Variants in DCC observed in about 807,000 individuals in gnomAD.
DCC encodes netrin receptor DCC.
Under a neutral mutation model 172.5 loss-of-function variants are expected in DCC, and 58 were observed. That is an observed-to-expected ratio of 0.34 (90% confidence interval 0.27 to 0.42). The LOEUF is 0.42. Among genes scored for constraint, DCC ranks in the 10% least tolerant of loss-of-function variants. The pLI, the probability that DCC is intolerant of heterozygous loss-of-function variation, is 1.00. For synonymous variants in DCC, 709 were observed against 644.5 expected (o/e 1.10, Z -1.52); for missense variants, 1,740 against 1,791.0 (o/e 0.97, Z 0.51).
intron 7 of DCC, among the ~76,000 whole-genome samples, chr18:53,154,104 A>G (rs1421810402): frequency 6.6e-6 from 1 of 152,086 alleles, no homozygotes; most frequent in Non-Finnish European, 1.5e-5. Flanking sequence ...CCCTGGAATC[A>G]CCCTCAACAA....
At chr18:53,030,062 C>A (rs2143954397) in intron 5 of DCC, among the ~76,000 whole-genome samples, 1 of 152,300 alleles carries the variant, frequency 6.6e-6, no homozygotes, top group Admixed American at 6.5e-5. Context: ...CCTAGTTTAA[C>A]CTTTTAAGAA....
intron 13 of DCC, among the ~76,000 whole-genome samples, chr18:53,308,523 C>T (rs1385787137): frequency 6.6e-6 from 1 of 152,124 alleles, no homozygotes; most frequent in East Asian, 1.9e-4. Context: ...AACTCAATAT[C>T]ATCTGAATGG....
intron 12 of DCC, among the ~76,000 whole-genome samples, chr18:53,256,792 T>G (rs1304829099): frequency 6.6e-6 from 1 of 152,216 alleles, no homozygotes; most frequent in African/African-American, 2.4e-5. Flanking sequence ...AATCTATAAA[T>G]TACCTTGGGC....
At chr18:52,480,597 A>T (rs979060551) in intron 1 of DCC, among the ~76,000 whole-genome samples, 1 of 152,234 alleles carries the variant, frequency 6.6e-6, no homozygotes, top group Non-Finnish European at 1.5e-5. Context: ...AAATGAGTGA[A>T]TATATTTGCA....
chr18:53,407,759 A>G (rs1378938734), intron 19 of DCC, among the ~76,000 whole-genome samples: 3 of 151,836 alleles, frequency 2.0e-5, no homozygotes, highest in Non-Finnish European at 4.4e-5. Context: ...TCTTCTTTTT[A>G]ATAGATGTGG....
intron 7 of DCC, among the ~76,000 whole-genome samples, chr18:53,120,773 A>G (rs542854972): frequency 6.6e-6 from 1 of 151,994 alleles, no homozygotes; most frequent in African/African-American, 2.4e-5. Flanking sequence ...AATCAATACT[A>G]ATTTTTCCTT....
In DCC at chr18:53,410,634, A is replaced by C. The variant is rs752694844; in HGVS notation, c.3118A>C (p.Arg1040=). The change falls in exon 20 of 29, where the codon AGG becomes CGG. Residue 1040 remains arginine, a synonymous_variant. Transcript: ENST00000442544. ...VGPLSDPILF[R]TLKVEHPDKM... Reference sequence around the variant, plus strand: ...GCCACTCTCTGATCCTATCCTCTTCAGGACTCTGAAAGGTTTGAATAATTT... The same window carrying C: ...GCCACTCTCTGATCCTATCCTCTTCCGGACTCTGAAAGGTTTGAATAATTT... 1.3e-6 allele frequency: 2 copies of C among 1,592,812 alleles called. No homozygotes were observed. Among genetic ancestry groups the C allele is most frequent in the South Asian group, 2.2e-5 (2 of 90,764 alleles).
chr18:52,373,923 C>T (rs112281557), intron 1 of DCC, among the ~76,000 whole-genome samples: 76 of 132,856 alleles, frequency 5.7e-4, no homozygotes, highest in African/African-American at 2.0e-3. Context: ...GACGGAGTCT[C>T]GCTCTGTCAT....
chr18:52,741,457 G>T (rs765677446), intron 1 of DCC, among the ~76,000 whole-genome samples: 4 of 152,112 alleles, frequency 2.6e-5, no homozygotes, highest in Non-Finnish European at 5.9e-5. Context: ...TCTGACCTGT[G>T]CATTGTAGGA....
chr18:52,888,602 A>G (rs1053423067), intron 2 of DCC, among the ~76,000 whole-genome samples: 1 of 152,122 alleles, frequency 6.6e-6, no homozygotes, highest in Non-Finnish European at 1.5e-5. Flanking sequence ...GTTCTATTCT[A>G]TAAAGGCAAA....
intron 1 of DCC, among the ~76,000 whole-genome samples, chr18:52,361,160 T>G (rs969842503): frequency 6.6e-6 from 1 of 152,214 alleles, no homozygotes; most frequent in African/African-American, 2.4e-5. Flanking sequence ...TATTATAATT[T>G]CTACCTAAAA....
chr18:53,041,958 T>A (rs886094422), intron 5 of DCC, among the ~76,000 whole-genome samples: 9 of 151,996 alleles, frequency 5.9e-5, no homozygotes, highest in Admixed American at 2.0e-4. Context: ...CAAACAGAGA[T>A]AATTTGACTC....
At chr18:53,301,333 C>T (rs1464064660) in intron 12 of DCC, among the ~76,000 whole-genome samples, 1 of 152,004 alleles carries the variant, frequency 6.6e-6, no homozygotes, top group Non-Finnish European at 1.5e-5. Flanking sequence ...AGGTGATCCA[C>T]CTGCCTCGGC....
chr18:52,691,160 C>T (rs1206015637), intron 1 of DCC, among the ~76,000 whole-genome samples: 1 of 152,032 alleles, frequency 6.6e-6, no homozygotes, highest in African/African-American at 2.4e-5. Context: ...GCTGTTGTTG[C>T]CCATAGACTC....
At chr18:53,024,935 A>G (rs866944312) in intron 5 of DCC, among the ~76,000 whole-genome samples, 63 of 152,260 alleles carry the variant, frequency 4.1e-4, no homozygotes, top group African/African-American at 1.5e-3. Context: ...TAGAAACAAG[A>G]TAAACATTAT....
intron 2 of DCC, among the ~76,000 whole-genome samples, chr18:52,864,345 CAT>C (rs1398691855): frequency 2.0e-5 from 3 of 152,068 alleles, no homozygotes; most frequent in African/African-American, 2.4e-5. Flanking sequence ...GCTAAGGTAA[CAT>C]AAAATCATAA....
intron 7 of DCC, among the ~76,000 whole-genome samples, chr18:53,152,908 G>A (rs984009772): frequency 6.6e-6 from 1 of 152,174 alleles, no homozygotes; most frequent in Non-Finnish European, 1.5e-5. Context: ...TAAAGAGTCC[G>A]TGATTAATTC....
chr18:53,402,527 A>G (rs936603778), intron 18 of DCC, among the ~76,000 whole-genome samples: 1 of 152,108 alleles, frequency 6.6e-6, no homozygotes, highest in African/African-American at 2.4e-5. Context: ...TACCAGTTGT[A>G]CTTTTCTCCT....
At chr18:52,961,925 A>T (rs1266664550) in intron 5 of DCC, among the ~76,000 whole-genome samples, 1 of 152,182 alleles carries the variant, frequency 6.6e-6, no homozygotes, top group Non-Finnish European at 1.5e-5. Context: ...CTGAAACTGG[A>T]TCCCTTCCTT....
Sources: gnomAD v4.1 joint callset for allele counts (sites outside exome capture counted in the v4.1 genomes callset) on GRCh38, gnomAD v4.1.1 for gene constraint, MANE v1.5 for transcripts, NCBI Gene and HGNC (gene_info 2026-07-23, HGNC 2026-07-21) for gene names.